PRKCA: variants seen among roughly 807,000 people sequenced by gnomAD.
PRKCA encodes protein kinase C alpha.
In PRKCA, 27 loss-of-function variants were observed where a neutral mutation model predicts 87.0. The ratio of observed to expected loss-of-function variants is 0.31; its 90% CI spans 0.23 to 0.43. The LOEUF is 0.43. Among genes scored for constraint, PRKCA ranks in the 20% least tolerant of loss-of-function variants. The probability of loss-of-function intolerance (pLI) is 1.00; values close to 1 mark genes in which losing one functional copy is unlikely to be tolerated. For synonymous variants in PRKCA, 329 were observed against 311.1 expected (o/e 1.06, Z -0.61); for missense variants, 518 against 852.3 (o/e 0.61, Z 4.88).
At chr17:66,502,881 G>A (rs1441289363) in intron 3 of PRKCA, among the ~76,000 whole-genome samples, 1 of 151,562 alleles carries the variant, frequency 6.6e-6, no homozygotes, top group Non-Finnish European at 1.5e-5. Context: ...GGATGGCCTC[G>A]ATCTCTGGAC....
chr17:66,321,807 G>A (rs1383802010), intron 2 of PRKCA, among the ~76,000 whole-genome samples: 3 of 152,108 alleles, frequency 2.0e-5, no homozygotes, highest in African/African-American at 7.2e-5. Context: ...GCCTCCCAAA[G>A]TGCTGGGATT....
intron 2 of PRKCA, among the ~76,000 whole-genome samples, chr17:66,481,093 C>T (rs1052468274): frequency 1.3e-5 from 2 of 152,138 alleles, no homozygotes; most frequent in African/African-American, 4.8e-5. Flanking sequence ...GCACTAGCGT[C>T]ATTTCTGCCA....
intron 2 of PRKCA, among the ~76,000 whole-genome samples, chr17:66,332,324 T>C (rs1479120321): frequency 6.6e-6 from 1 of 151,256 alleles, no homozygotes. Flanking sequence ...GCCTCCTGGG[T>C]TCCAGTGATT....
At chr17:66,412,972 T>C (rs1332837281) in intron 2 of PRKCA, among the ~76,000 whole-genome samples, 1 of 152,056 alleles carries the variant, frequency 6.6e-6, no homozygotes, top group Non-Finnish European at 1.5e-5. Context: ...TATGTGGAGA[T>C]TCTGCACCCC....
At chr17:66,647,380 A>C (rs1971483236) in intron 5 of PRKCA, among the ~76,000 whole-genome samples, 2 of 152,188 alleles carry the variant, frequency 1.3e-5, no homozygotes, top group African/African-American at 2.4e-5. Flanking sequence ...ATCACAGGTG[A>C]ATATTCAGTT....
At chr17:66,677,324 C>T (rs1972364641) in intron 5 of PRKCA, 1 of 152,312 alleles carries the variant, frequency 6.6e-6, no homozygotes, top group African/African-American at 2.4e-5. Flanking sequence ...AGGCAGTGCA[C>T]CCACCTTGGC....
chr17:66,781,845 T>G (rs1975222974), intron 14 of PRKCA, among the ~76,000 whole-genome samples: 1 of 138,820 alleles, frequency 7.2e-6, no homozygotes, highest in African/African-American at 2.9e-5. Context: ...GATGGTAAAT[T>G]TTGTGAGAGA....
chr17:66,438,852 T>C (rs1010200542), intron 2 of PRKCA, among the ~76,000 whole-genome samples: 1 of 152,122 alleles, frequency 6.6e-6, no homozygotes, highest in African/African-American at 2.4e-5. Context: ...GGATGGGGGA[T>C]ACTGCCCCCC....
chr17:66,545,820 T>C (rs2143172015), intron 3 of PRKCA, among the ~76,000 whole-genome samples: 3 of 152,358 alleles, frequency 2.0e-5, no homozygotes, highest in Middle Eastern at 6.8e-3. Context: ...GTGGAAAATA[T>C]GAAGTGTGTC....
chr17:66,664,647 G>GTTTTTTTTTTTTTTTTTT (rs398031366), intron 5 of PRKCA, among the ~76,000 whole-genome samples: 5 of 67,788 alleles, frequency 7.4e-5, no homozygotes, highest in Non-Finnish European at 1.3e-4. Flanking sequence ...TTTTGCTTTG[G>GTTTTTTTTTTTTTTTTTT]TTTTTTTTTT....
chr17:66,698,397 T>C (rs1414281792), intron 8 of PRKCA, among the ~76,000 whole-genome samples: 1 of 151,970 alleles, frequency 6.6e-6, no homozygotes, highest in African/African-American at 2.4e-5. Context: ...AGATTATAAA[T>C]CATTTTTAAA....
chr17:66,346,088 TTTTTTTGC>T (rs1392456314), intron 2 of PRKCA, among the ~76,000 whole-genome samples: 3 of 149,046 alleles, frequency 2.0e-5, no homozygotes, highest in African/African-American at 7.7e-5. Flanking sequence ...TTGCGTTATC[TTTTTTTGC>T]TTTTTTTTTT....
At chr17:66,544,232 A>G (rs1202277728) in intron 3 of PRKCA, among the ~76,000 whole-genome samples, 1 of 152,088 alleles carries the variant, frequency 6.6e-6, no homozygotes, top group African/African-American at 2.4e-5. Flanking sequence ...TCAAACAACA[A>G]CTACAAAAGA....
chr17:66,311,008 G>A (rs991610307), intron 2 of PRKCA, among the ~76,000 whole-genome samples: 1 of 152,290 alleles, frequency 6.6e-6, no homozygotes, highest in Admixed American at 6.5e-5. Context: ...TGCTTGCACT[G>A]TGTGGCCTCT....
intron 2 of PRKCA, among the ~76,000 whole-genome samples, chr17:66,464,301 A>G (rs1914989447): frequency 6.6e-6 from 1 of 152,160 alleles, no homozygotes; most frequent in Non-Finnish European, 1.5e-5. Flanking sequence ...GGTTGCTTTC[A>G]AGTTTGGGGC....
At chr17:66,563,836 G>A (rs1244649290) in intron 3 of PRKCA, among the ~76,000 whole-genome samples, 1 of 152,172 alleles carries the variant, frequency 6.6e-6, no homozygotes, top group Non-Finnish European at 1.5e-5. Flanking sequence ...TTCAGACTTA[G>A]TATAAACAAA....
chr17:66,765,454 A>ATATATATATATATATATATATC, intron 13 of PRKCA, among the ~76,000 whole-genome samples: 1 of 130,072 alleles, frequency 7.7e-6, no homozygotes, highest in East Asian at 2.2e-4. Flanking sequence ...ATATATATAT[A>ATATATATATATATATATATATC]TCCATATATA....
intron 16 of PRKCA, among the ~76,000 whole-genome samples, chr17:66,794,692 C>T (rs1276390164): frequency 6.6e-6 from 1 of 150,488 alleles, no homozygotes; most frequent in Non-Finnish European, 1.5e-5. Context: ...GCGATATCAG[C>T]TCACTGCAAC....
intron 2 of PRKCA, chr17:66,415,775 T>G (rs1207702811): frequency 1.3e-5 from 2 of 152,222 alleles, no homozygotes; most frequent in East Asian, 3.9e-4. Context: ...TTTTTGCGTC[T>G]GCTTCCTCAT....
Sources: allele counts gnomAD v4.1 joint callset (sites outside exome capture counted in the v4.1 genomes callset), GRCh38; gene constraint gnomAD v4.1.1; transcripts MANE v1.5; gene names NCBI Gene and HGNC (gene_info 2026-07-23, HGNC 2026-07-21).